Variants in CFAP57 observed in about 807,000 individuals in gnomAD.
CFAP57 encodes the protein cilia- and flagella-associated protein 57.
Under a neutral mutation model 146.8 loss-of-function variants are expected in CFAP57, and 116 were observed. That is an observed-to-expected ratio of 0.79 (90% CI 0.68 to 0.92). The LOEUF is 0.92. CFAP57 is among the 40% of genes least tolerant of loss of function. CFAP57 has a pLI of 0.00. For synonymous variants in CFAP57, 518 were observed against 552.8 expected, an observed-to-expected ratio of 0.94 and a Z score of 0.88; for missense variants, 1,377 against 1,527.2, an observed-to-expected ratio of 0.90 and a Z score of 1.64.
intron 22 of CFAP57, among the ~76,000 whole-genome samples, chr1:43,249,970 CAT>C (rs1415988627): frequency 6.6e-6 from 1 of 152,082 alleles, no homozygotes; most frequent in Admixed American, 6.5e-5. Context: ...CTAGCAGAGA[CAT>C]ATATAAAACC....
chr1:43,183,842 C>T lies in CFAP57; in HGVS notation c.726C>T (p.Gly242=), dbSNP rs906854307. ...TAATGGTCAAGGAACCTACCAATGG[C>T]TCAAAGAGCCTGGATGTCATTCAGG... ...TSIMVKEPTN[G]SKSLDVIQES... is the part of the protein sequence containing the mutation. Residue 242 remains glycine, a synonymous_variant, in exon 4 of 23, where the codon GGC becomes GGT. Coordinates refer to ENST00000372492, the MANE Select transcript of CFAP57 (RefSeq NM_001378189.1). The T allele has an allele frequency of 7.4e-6, 12 of 1,614,028 alleles. No homozygotes were observed. In the African/African-American group the frequency reaches 1.5e-4, roughly 20 times the overall value.
At position 43,224,301 on chromosome 1, in the gene CFAP57, C is replaced by T. The variant is rs1380969961; in HGVS notation, c.2865+97C>T. The T allele has an allele frequency of 4.1e-5, 56 of 1,367,348 alleles. No homozygotes were observed. In the East Asian group the frequency reaches 9.5e-4, roughly 23 times the overall value. 84.7% of individuals were successfully genotyped at this position (1,367,348 alleles called of 1,614,324 possible). On this transcript the variant is annotated intron_variant, in intron 17 of 22. Coordinates refer to ENST00000372492, the MANE Select transcript of CFAP57 (RefSeq NM_001378189.1). The stretch of plus-strand genomic sequence containing the variant: ...AGAGAGGGTCCCTAGCTTCTCAGGA[C>T]GCATTTCTTTAACTTGATGGGGGAA...
intron 2 of CFAP57, among the ~76,000 whole-genome samples, chr1:43,176,568 A>G (rs371968042): frequency 2.7e-4 from 41 of 152,328 alleles, no homozygotes; most frequent in African/African-American, 9.4e-4. Flanking sequence ...TGTTCACTCA[A>G]CAAAAATGTA....
At position 43,228,544 on chromosome 1, in the gene CFAP57, A is replaced by C. The variant is rs185874661; in HGVS notation, c.3009+1418A>C. The stretch of plus-strand genomic sequence containing the variant: ...GTGACGCCTGTACTCTGGTAAGCCC[A>C]GTAAAGAGCCAGGTGGAGATCAGTC... On this transcript the variant is annotated intron_variant, in intron 18 of 22. Transcript: ENST00000372492. Among the ~76,000 whole-genome samples the C allele has an allele frequency of 3.2e-3, 474 of 148,750 alleles. 43 individuals are homozygous for C. Among genetic ancestry groups the C allele is most frequent in the African/African-American group, 0.011 (458 of 39,870 alleles).
chr1:43,176,258 C>A (rs1414995731), intron 2 of CFAP57, among the ~76,000 whole-genome samples: 3 of 152,144 alleles, frequency 2.0e-5, no homozygotes, highest in Admixed American at 2.0e-4. Flanking sequence ...GCAACGTGAT[C>A]TAGAAGAGGC....
At chr1:43,214,676 G>A (rs1271615134) in intron 11 of CFAP57, among the ~76,000 whole-genome samples, 1 of 152,048 alleles carries the variant, frequency 6.6e-6, no homozygotes, top group African/African-American at 2.4e-5. Flanking sequence ...GTATATTCAG[G>A]TTTGTTTTTT....
At chr1:43,244,633 G>A (rs935778447) in intron 22 of CFAP57, among the ~76,000 whole-genome samples, 9 of 151,962 alleles carry the variant, frequency 5.9e-5, no homozygotes, top group Non-Finnish European at 1.3e-4. Context: ...GGCCAGGTGC[G>A]GTGGCTCACA....
chr1:43,220,955 G>A lies in CFAP57; in HGVS notation c.2248-417G>A, dbSNP rs537659502. Among the ~76,000 whole-genome samples, 168 of 152,164 alleles carry A rather than the reference G, an allele frequency of 1.1e-3. 6 individuals carry two copies. In the South Asian group the frequency reaches 0.033, roughly 30 times the overall value. ...GAAGATGGCACACCACCTCCAACTC[G>A]CCCCCCAAGCCTGAAAGCTTTCCTG... On this transcript the variant is annotated intron_variant, in intron 13 of 22. Coordinates refer to ENST00000372492, the MANE Select transcript of CFAP57 (RefSeq NM_001378189.1).
intron 6 of CFAP57, chr1:43,194,694 A>G (rs976003481): frequency 2.0e-5 from 3 of 152,128 alleles, no homozygotes; most frequent in African/African-American, 7.2e-5. Context: ...AAAGTTCACT[A>G]ATTCTTCTGC....
rs1644965223 is a variant in CFAP57 at position 43,219,545 on chromosome 1, T to G, written c.2247+8T>G. 6.5e-7 allele frequency: 1 copy of G among 1,550,380 alleles called. No homozygotes were observed. Among genetic ancestry groups the G allele is most frequent in the Non-Finnish European group, 8.7e-7 (1 of 1,146,928 alleles). On this transcript the variant is annotated splice_region_variant and intron_variant, in intron 13 of 22. Coordinates refer to ENST00000372492, the MANE Select transcript of CFAP57 (RefSeq NM_001378189.1). ...TTGAAAACAAAAAACCAGGTCTGTT[T>G]AAGAGACTGACCAACAAGCACAAAT... is the stretch of plus-strand genomic sequence containing the variant.
chr1:43,197,377 TAAAAA>T (rs1003528815), intron 6 of CFAP57, among the ~76,000 whole-genome samples, 171 bp from the exon 7 acceptor site: 2 of 151,878 alleles, frequency 1.3e-5, no homozygotes, highest in African/African-American at 4.8e-5. Context: ...TAAAATAAAA[TAAAAA>T]ATAATAATAA....
At chr1:43,180,886 C>T (rs1480978132) in intron 2 of CFAP57, among the ~76,000 whole-genome samples, 1 of 152,130 alleles carries the variant, frequency 6.6e-6, no homozygotes, top group Non-Finnish European at 1.5e-5. Flanking sequence ...CCCCATCTCA[C>T]ATGCAATGCT....
At chr1:43,249,026 C>T (rs1646226918) in intron 22 of CFAP57, among the ~76,000 whole-genome samples, 1 of 151,142 alleles carries the variant, frequency 6.6e-6, no homozygotes, top group Non-Finnish European at 1.5e-5. Flanking sequence ...GGACTACAGG[C>T]ACCCACCACC....
intron 19 of CFAP57, among the ~76,000 whole-genome samples, chr1:43,233,875 C>T (rs1453066885): frequency 6.6e-6 from 1 of 152,054 alleles, no homozygotes; most frequent in African/African-American, 2.4e-5. Context: ...ACGTGGAAGC[C>T]CTGGCCAGGA....
chr1:43,233,959 T>C (rs1333235624), intron 19 of CFAP57, among the ~76,000 whole-genome samples: 1 of 152,162 alleles, frequency 6.6e-6, no homozygotes, highest in African/African-American at 2.4e-5. Flanking sequence ...CTTCCTTTTA[T>C]CTTTTAAGGC....
chr1:43,221,529 C>A, intron 14 of CFAP57, 64 bp downstream of exon 14: 1 of 1,096,076 alleles, frequency 9.1e-7, no homozygotes, highest in Non-Finnish European at 1.3e-6. Context: ...GGGAAACACT[C>A]AAGAGTCCCC....
intron 19 of CFAP57, 125 bp downstream of exon 19, chr1:43,232,749 A>G: frequency 1.6e-6 from 1 of 621,374 alleles, no homozygotes; most frequent in South Asian, 2.7e-5. Flanking sequence ...TTTAACTCAC[A>G]TTCTTTACTT....
At chr1:43,177,693 G>C (rs1458611088) in intron 2 of CFAP57, among the ~76,000 whole-genome samples, 1 of 152,198 alleles carries the variant, frequency 6.6e-6, no homozygotes. Context: ...GGATGAAACT[G>C]TTCTGCCCCA....
intron 6 of CFAP57, among the ~76,000 whole-genome samples, chr1:43,194,365 C>T (rs1014924949): frequency 1.3e-5 from 2 of 152,006 alleles, no homozygotes; most frequent in Non-Finnish European, 1.5e-5. Context: ...TTGATGCTTT[C>T]AAAATTTTCT....
Sources: gnomAD v4.1 joint callset for allele counts (sites outside exome capture counted in the v4.1 genomes callset) on GRCh38, gnomAD v4.1.1 for gene constraint, MANE v1.5 for transcripts, NCBI Gene and HGNC (gene_info 2026-07-23, HGNC 2026-07-21) for gene names.